The following GPR158 variants were observed in gnomAD, a reference collection of about 807,000 sequenced individuals.
GPR158 encodes the protein G protein-coupled receptor 158.
GPR158 carries 30 observed loss-of-function variants against 78.2 expected under a neutral mutation model. That is an observed-to-expected ratio of 0.38 (90% CI 0.29 to 0.52). GPR158 has a LOEUF of 0.52. GPR158 is among the 20% of genes least tolerant of loss of function. GPR158 has a pLI of 0.83. For synonymous variants in GPR158, 581 were observed against 591.1 expected (o/e 0.98, Z 0.25); for missense variants, 1,463 against 1,523.5 (o/e 0.96, Z 0.66).
At chr10:25,444,711 A>T (rs1835117040) in intron 4 of GPR158, among the ~76,000 whole-genome samples, 1 of 152,020 alleles carries the variant, frequency 6.6e-6, no homozygotes, top group Non-Finnish European at 1.5e-5. Flanking sequence ...CCAGTGGGGA[A>T]TAATGTCACT....
intron 1 of GPR158, among the ~76,000 whole-genome samples, chr10:25,215,295 A>G (rs961232346): frequency 6.6e-6 from 1 of 152,184 alleles, no homozygotes; most frequent in South Asian, 2.1e-4. Flanking sequence ...TTCCACATAC[A>G]TGAGGAACCT....
At position 25,386,296 on chromosome 10, in the gene GPR158, T is replaced by C. The variant is rs75527260; in HGVS notation, c.1009-9615T>C. Among the ~76,000 whole-genome samples, 142 of 152,320 alleles carry C rather than the reference T, an allele frequency of 9.3e-4. 2 individuals carry two copies. The highest frequency in any genetic ancestry group is 1.7e-3 in the Non-Finnish European group (114 of 68,004). ...CTGGGCTGTCTATTCCATTTGTCTA[T>C]ATGTCTGTCTTTATGCCAGTACCAC... On this transcript the variant is annotated intron_variant, in intron 2 of 10. Transcript: ENST00000376351.
chr10:25,432,149 C>T, intron 4 of GPR158, among the ~76,000 whole-genome samples: 1 of 152,066 alleles, frequency 6.6e-6, no homozygotes, highest in East Asian at 1.9e-4. Context: ...ATCAAACAAA[C>T]CTCTTAGGAA....
chr10:25,189,521 C>G (rs1283881948), intron 1 of GPR158, among the ~76,000 whole-genome samples: 1 of 151,778 alleles, frequency 6.6e-6, no homozygotes, highest in East Asian at 1.9e-4. Flanking sequence ...TCATTCTCAG[C>G]AAACTATCAC....
chr10:25,193,935 G>A (rs1214413221), intron 1 of GPR158, among the ~76,000 whole-genome samples: 1 of 151,716 alleles, frequency 6.6e-6, no homozygotes, highest in Non-Finnish European at 1.5e-5. Context: ...AAATCACTTT[G>A]GTGTTTTTCT....
chr10:25,490,064 G>A (rs74393209), intron 5 of GPR158, among the ~76,000 whole-genome samples: 2,841 of 152,086 alleles, frequency 0.019, 90 homozygotes, highest in African/African-American at 0.062. Context: ...TTACAGAAGA[G>A]GAAACCCAGC....
intron 3 of GPR158, among the ~76,000 whole-genome samples, chr10:25,401,439 G>A (rs1304321588): frequency 6.6e-6 from 1 of 151,854 alleles, no homozygotes; most frequent in African/African-American, 2.4e-5. Flanking sequence ...TATTTGTAGG[G>A]ACTAATGAAA....
intron 7 of GPR158, among the ~76,000 whole-genome samples, chr10:25,577,737 CCA>C (rs1837122048): frequency 6.6e-6 from 1 of 152,118 alleles, no homozygotes; most frequent in Non-Finnish European, 1.5e-5. Flanking sequence ...CCTAAAAGAG[CCA>C]CAGTTTCTTC....
At chr10:25,338,381 ATC>A (rs1360153602) in intron 2 of GPR158, among the ~76,000 whole-genome samples, 4 of 138,674 alleles carry the variant, frequency 2.9e-5, no homozygotes, top group Admixed American at 1.4e-4. Context: ...ATATCTATAT[ATC>A]TCTCTCTATA....
intron 2 of GPR158, among the ~76,000 whole-genome samples, chr10:25,287,052 A>G (rs952931576): frequency 2.6e-5 from 4 of 152,068 alleles, no homozygotes; most frequent in Non-Finnish European, 5.9e-5. Flanking sequence ...CTAATTAAGC[A>G]TCTGTTTTAG....
intron 4 of GPR158, among the ~76,000 whole-genome samples, chr10:25,426,303 C>G (rs1015681765): frequency 6.6e-6 from 1 of 152,090 alleles, no homozygotes; most frequent in Non-Finnish European, 1.5e-5. Flanking sequence ...TCTTAACATT[C>G]GTATGTTCAC....
chr10:25,577,745 T>G (rs895278690), intron 7 of GPR158, among the ~76,000 whole-genome samples: 2 of 152,208 alleles, frequency 1.3e-5, no homozygotes, highest in African/African-American at 4.8e-5. Context: ...AGCCACAGTT[T>G]CTTCTTTGAA....
intron 4 of GPR158, among the ~76,000 whole-genome samples, chr10:25,418,758 G>A: frequency 7.2e-6 from 1 of 139,422 alleles, no homozygotes; most frequent in Non-Finnish European, 1.5e-5. Flanking sequence ...TACCATTTCT[G>A]AAAATAATCT....
intron 6 of GPR158, among the ~76,000 whole-genome samples, chr10:25,554,114 AG>A (rs1250964092): frequency 1.3e-5 from 2 of 152,202 alleles, no homozygotes; most frequent in Non-Finnish European, 2.9e-5. Context: ...GGAAAGCTAA[AG>A]AACAAGACTT....
intron 8 of GPR158, among the ~76,000 whole-genome samples, chr10:25,590,751 G>A (rs1311920180): frequency 6.6e-6 from 1 of 152,116 alleles, no homozygotes; most frequent in Non-Finnish European, 1.5e-5. Context: ...GTCTTCTATG[G>A]TCAAAATGTG....
intron 4 of GPR158, among the ~76,000 whole-genome samples, chr10:25,436,842 A>G (rs1433898919): frequency 1.3e-5 from 2 of 152,202 alleles, no homozygotes; most frequent in African/African-American, 4.8e-5. Context: ...AAAAATTCTG[A>G]GCTCTTTCAG....
intron 2 of GPR158, among the ~76,000 whole-genome samples, chr10:25,322,373 T>C (rs1854963797): frequency 6.9e-6 from 1 of 145,832 alleles, no homozygotes; most frequent in South Asian, 2.1e-4. Context: ...AGAGCGAGAC[T>C]CCGTCTCAAA....
chr10:25,465,182 TTCAGAA>T (rs1835405093), intron 4 of GPR158, among the ~76,000 whole-genome samples: 1 of 152,168 alleles, frequency 6.6e-6, no homozygotes, highest in South Asian at 2.1e-4. Context: ...GGTTTGGCCT[TTCAGAA>T]TTTTTTTATT....
At chr10:25,273,727 T>C (rs960478295) in intron 2 of GPR158, among the ~76,000 whole-genome samples, 1 of 152,182 alleles carries the variant, frequency 6.6e-6, no homozygotes. Context: ...TTGCCCAGGC[T>C]GGAGTGCAGT....
Sources: allele counts gnomAD v4.1 joint callset (sites outside exome capture counted in the v4.1 genomes callset), GRCh38; gene constraint gnomAD v4.1.1; transcripts MANE v1.5; gene names NCBI Gene and HGNC (gene_info 2026-07-23, HGNC 2026-07-21).